METAP1: variants seen among roughly 807,000 people sequenced by gnomAD.
METAP1 encodes the protein methionine aminopeptidase 1.
A neutral mutation model predicts 53.8 loss-of-function variants in METAP1; 28 were observed. That is an observed-to-expected ratio of 0.52 (90% CI 0.39 to 0.71). The LOEUF is 0.71. METAP1 is among the 30% of genes least tolerant of loss of function. The pLI is 0.00. For missense variants in METAP1, 389 were observed against 479.8 expected (o/e 0.81, Z 1.77); for synonymous variants, 181 against 165.7 (o/e 1.09, Z -0.71).
intron 1 of METAP1, among the ~76,000 whole-genome samples, chr4:99,008,103 C>T (rs1174170490): frequency 2.6e-5 from 4 of 152,180 alleles, no homozygotes; most frequent in African/African-American, 7.2e-5. Context: ...TAGGTAAAGA[C>T]AGGCTTTGAA....
intron 1 of METAP1, among the ~76,000 whole-genome samples, chr4:99,006,405 C>T (rs1237361949): frequency 6.6e-6 from 1 of 152,142 alleles, no homozygotes; most frequent in Non-Finnish European, 1.5e-5. Flanking sequence ...TTGCAGTATA[C>T]TCTTCACCTA....
rs1487718783 is a variant in METAP1 at position 99,062,693 on chromosome 4, T to C, written c.*1376T>C. 6.6e-6 allele frequency: 1 copy of C among 152,656 alleles called. No homozygotes were observed. The highest frequency in any genetic ancestry group is 1.5e-5 in the Non-Finnish European group (1 of 68,042). The allele number at this position is 152,656 out of a possible 1,614,324, so 9.5% of individuals were successfully genotyped here. ...AGTTGACTGAATCTGGTATAGACTTTGGGAGTATGTGTGTGAAGTTTTTAT... is the reference window on the plus strand; with the variant it reads ...AGTTGACTGAATCTGGTATAGACTTCGGGAGTATGTGTGTGAAGTTTTTAT... On this transcript the variant is annotated 3_prime_UTR_variant, in exon 11 of 11. Coordinates refer to ENST00000296411, the MANE Select transcript of METAP1 (RefSeq NM_015143.3).
rs1439871966 is a variant in METAP1, at chr4:99,045,299, C to G, written c.776C>G (p.Ala259Gly). ...ACCACATATGAGTGCCTGATGCAAG[C>G]CATTGATGCAGGTCAGCCTCAGTGT... ...VQTTYECLMQ[A>G]IDAVKPGVRY... Residue 259 changes from alanine (A) to glycine (G), a missense_variant, in exon 8 of 11, where the codon GCC (alanine) becomes GGC (glycine). Coordinates refer to ENST00000296411, the MANE Select transcript of METAP1 (RefSeq NM_015143.3). 1.2e-6 allele frequency: 2 copies of G among 1,613,664 alleles called. No individual in the cohort carries two copies. Among genetic ancestry groups the G allele is most frequent in the Admixed American group, 3.3e-5 (2 of 60,000 alleles).
intron 1 of METAP1, among the ~76,000 whole-genome samples, chr4:99,000,618 G>A (rs1722869741): frequency 6.6e-6 from 1 of 150,666 alleles, no homozygotes; most frequent in Non-Finnish European, 1.5e-5. Context: ...TAAAAGAAGT[G>A]GTAGGTAACA....
At chr4:99,007,785 C>T (rs1483179353) in intron 1 of METAP1, among the ~76,000 whole-genome samples, 2 of 152,086 alleles carry the variant, frequency 1.3e-5, no homozygotes, top group Non-Finnish European at 2.9e-5. Context: ...GCTTCTATAT[C>T]CTTTTGAGTC....
At chr4:99,051,005 A>ATGCTT (rs1726655550) in intron 9 of METAP1, among the ~76,000 whole-genome samples, 1 of 152,230 alleles carries the variant, frequency 6.6e-6, no homozygotes, top group African/African-American at 2.4e-5. Flanking sequence ...AGCTAGCAAC[A>ATGCTT]GAAAATAGGT....
chr4:99,030,780 GTT>G (rs35143599), intron 2 of METAP1, among the ~76,000 whole-genome samples: 272 of 145,136 alleles, frequency 1.9e-3, no homozygotes, highest in African/African-American at 5.5e-3. Flanking sequence ...ATATAGTTAG[GTT>G]TTTTTTTTTT....
intron 8 of METAP1, among the ~76,000 whole-genome samples, chr4:99,048,421 C>T (rs1260228029): frequency 6.6e-6 from 1 of 152,048 alleles, no homozygotes; most frequent in Non-Finnish European, 1.5e-5. Flanking sequence ...TTTGCCCAGG[C>T]CAGAGTACAG....
chr4:99,060,828 T>C (rs113868322), intron 10 of METAP1, among the ~76,000 whole-genome samples: 1 of 152,218 alleles, frequency 6.6e-6, no homozygotes. Flanking sequence ...TTGATACATA[T>C]AATGATACAT....
At chr4:99,042,413 A>G (rs1244629609) in intron 6 of METAP1, among the ~76,000 whole-genome samples, 1 of 152,074 alleles carries the variant, frequency 6.6e-6, no homozygotes, top group Non-Finnish European at 1.5e-5. Context: ...TAGCCTGAAG[A>G]CTAGAGCAGG....
intron 1 of METAP1, among the ~76,000 whole-genome samples, chr4:99,025,040 T>C (rs1435652947): frequency 6.6e-6 from 1 of 152,254 alleles, no homozygotes; most frequent in Non-Finnish European, 1.5e-5. Flanking sequence ...CTAATGCCAC[T>C]GCTGATCTGA....
At chr4:99,016,833 G>A (rs151076187) in intron 1 of METAP1, among the ~76,000 whole-genome samples, 2 of 152,246 alleles carry the variant, frequency 1.3e-5, no homozygotes, top group African/African-American at 2.4e-5. Context: ...TGAGGACAGC[G>A]TCACATAGGG....
At chr4:99,047,413 C>T (rs1242202245) in intron 8 of METAP1, among the ~76,000 whole-genome samples, 1 of 152,172 alleles carries the variant, frequency 6.6e-6, no homozygotes, top group Non-Finnish European at 1.5e-5. Context: ...TCCTCTGTCA[C>T]TCTTTCTATG....
intron 3 of METAP1, among the ~76,000 whole-genome samples, chr4:99,034,603 C>T (rs1725293940): frequency 6.6e-6 from 1 of 152,042 alleles, no homozygotes; most frequent in African/African-American, 2.4e-5. Flanking sequence ...TATTTTGTTG[C>T]TGGCATGATG....
chr4:99,012,902 A>G (rs1018007671), intron 1 of METAP1, among the ~76,000 whole-genome samples: 3 of 152,174 alleles, frequency 2.0e-5, no homozygotes, highest in Non-Finnish European at 2.9e-5. Context: ...CTTCCAGGTC[A>G]TAGGTGGGTT....
intron 6 of METAP1, among the ~76,000 whole-genome samples, chr4:99,042,732 A>G (rs1725965477): frequency 6.6e-6 from 1 of 152,142 alleles, no homozygotes; most frequent in South Asian, 2.1e-4. Flanking sequence ...TTAATTCTAA[A>G]GTAAAATCTT....
chr4:99,017,891 T>C (rs1212480587), intron 1 of METAP1, among the ~76,000 whole-genome samples: 1 of 152,252 alleles, frequency 6.6e-6, no homozygotes, highest in African/African-American at 2.4e-5. Flanking sequence ...GTGGTCTCCA[T>C]GTTGTTGAGT....
At position 99,034,221 on chromosome 4, in the gene METAP1, G is replaced by A. The variant is rs749697285; in HGVS notation, c.167-9G>A. 3.3e-5 allele frequency: 50 copies of A among 1,499,594 alleles called. No homozygotes were observed. Among genetic ancestry groups the A allele is most frequent in the Non-Finnish European group, 4.4e-5 (48 of 1,100,154 alleles). The allele number at this position is 1,499,594 out of a possible 1,614,324, so 92.9% of individuals were successfully genotyped here. Reference sequence around the variant, plus strand: ...TCCTTCCTCTCATATCTATTCCTCCGTCTCCCAGAAGATGAAAAGGCGAAG... The same window carrying A: ...TCCTTCCTCTCATATCTATTCCTCCATCTCCCAGAAGATGAAAAGGCGAAG... On this transcript the variant is annotated splice_polypyrimidine_tract_variant and intron_variant, in intron 2 of 10. Transcript: ENST00000296411.
At chr4:98,995,993 C>T (rs1722599873) in intron 1 of METAP1, 126 bp downstream of exon 1, 2 of 745,078 alleles carry the variant, frequency 2.7e-6, no homozygotes, top group Admixed American at 2.3e-5. Flanking sequence ...GGCCGCGTTT[C>T]CTCCTCCCCC....
Sources: allele counts gnomAD v4.1 joint callset (sites outside exome capture counted in the v4.1 genomes callset), GRCh38; gene constraint gnomAD v4.1.1; transcripts MANE v1.5; gene names NCBI Gene and HGNC (gene_info 2026-07-23, HGNC 2026-07-21).